The following HTT variants were observed in gnomAD, a reference collection of about 807,000 sequenced individuals.
The protein encoded by HTT is huntingtin, also known as huntington disease protein.
HTT carries 104 observed loss-of-function variants against 362.3 expected under a neutral mutation model. The observed-to-expected ratio is 0.29, with a 90% CI of 0.24 to 0.34. The LOEUF is 0.34. HTT is among the 10% of genes least tolerant of loss of function. HTT has a pLI of 1.00. For synonymous variants in HTT, 1,577 were observed against 1,548.7 expected, an observed-to-expected ratio of 1.02 and a Z score of -0.43; for missense variants, 3,301 against 3,928.6, an observed-to-expected ratio of 0.84 and a Z score of 4.27.
At chr4:3,238,426 G>T in intron 64 of HTT, 21 bp from the exon 65 acceptor site, 1 of 1,594,056 alleles carries the variant, frequency 6.3e-7, no homozygotes, top group South Asian at 1.1e-5. Flanking sequence ...GCCAGTCTCT[G>T]ACCTGCGTCC....
chr4:3,130,468 G>A (rs368229789), intron 14 of HTT, 45 bp downstream of exon 14: 22 of 1,098,912 alleles, frequency 2.0e-5, no homozygotes, highest in Non-Finnish European at 2.7e-5. Context: ...CTGAGCTTGT[G>A]TGAGGATTTA....
intron 40 of HTT, among the ~76,000 whole-genome samples, chr4:3,192,316 G>A (rs969328532): frequency 6.6e-5 from 10 of 152,086 alleles, no homozygotes; most frequent in African/African-American, 2.4e-4. Context: ...AGCTTCAGGC[G>A]ATCCTCCTGC....
intron 8 of HTT, among the ~76,000 whole-genome samples, chr4:3,119,551 T>A (rs1715195189): frequency 6.6e-6 from 1 of 152,226 alleles, no homozygotes. Context: ...GTTCATAAAT[T>A]ATGCAGTGAA....
rs556225532 is a variant in HTT at position 3,228,471 on chromosome 4, C to T, written c.7849-144C>T. On this transcript the variant is annotated intron_variant, in intron 57 of 66. Transcript: ENST00000355072. The surrounding 1 kb of genome is among the most constrained non-coding windows in gnomAD (Gnocchi z 4.3). ...CACCCTCTCTGTGGGCTCCCTTGCC[C>T]GTAACCTGGGGTGTCTGAACGACCC... 37 of 868,056 alleles carry T rather than the reference C, an allele frequency of 4.3e-5. No individual in the cohort carries two copies. The highest frequency in any genetic ancestry group is 1.9e-4 in the East Asian group (7 of 35,944). 53.8% of individuals were successfully genotyped at this position (868,056 alleles called of 1,614,324 possible). A position where few individuals can be genotyped will look rare whatever the true frequency, so the allele number is the denominator to read the frequency against.
In HTT at chr4:3,212,565, G is replaced by A; in HGVS notation, c.6630G>A (p.Gly2210=). 1 of 1,613,584 alleles carries A rather than the reference G, an allele frequency of 6.2e-7. No individual in the cohort carries two copies. ...ACCCACGAGGTCCTTCTGTTTCAGG[G>A]GATGCTGCACTGTATCAGTCCCTGC... ...AYWSKLNDLF[G]DAALYQSLPT... The change falls in exon 49 of 67, where the codon GGG becomes GGA. Residue 2210 remains glycine, a splice_region_variant and synonymous_variant. Coordinates refer to ENST00000355072, the MANE Select transcript of HTT (RefSeq NM_001388492.1).
At chr4:3,233,605 C>T (rs1721368578) in intron 61 of HTT, among the ~76,000 whole-genome samples, 2 of 152,330 alleles carry the variant, frequency 1.3e-5, no homozygotes, top group South Asian at 4.1e-4. Context: ...TTAGCACACT[C>T]TCCCACGTGC....
At position 3,223,579 on chromosome 4, in the gene HTT, G is replaced by A. The variant is rs375307395; in HGVS notation, c.7625+19G>A. The A allele has an allele frequency of 7.2e-5, 115 of 1,589,606 alleles. No individual in the cohort carries two copies. Among genetic ancestry groups the A allele is most frequent in the African/African-American group, 2.3e-4 (17 of 74,466 alleles). ...ACACCAGGTTTGCTTGAGTTCCCAC[G>A]TGTCTCTGGGACATAGCAGGTGCTG... On this transcript the variant is annotated intron_variant, in intron 55 of 66. Transcript: ENST00000355072.
At chr4:3,103,735 C>T in intron 3 of HTT, 89 bp from the exon 4 acceptor site, 4 of 782,496 alleles carry the variant, frequency 5.1e-6, no homozygotes, top group South Asian at 1.6e-5. Context: ...TTTGCTTTGC[C>T]CCAAAATTGA....
chr4:3,211,591 G>T (rs565748986), intron 47 of HTT, among the ~76,000 whole-genome samples: 1 of 152,146 alleles, frequency 6.6e-6, no homozygotes, highest in South Asian at 2.1e-4. Context: ...CTGAGGTCTT[G>T]GATGACACTT....
In HTT at chr4:3,228,377, G is replaced by A. The variant is rs1721023432; in HGVS notation, c.7849-238G>A. 6.6e-6 allele frequency among the ~76,000 whole-genome samples: 1 copy of A among 152,186 alleles called. No homozygotes were observed. The highest frequency in any genetic ancestry group is 2.4e-5 in the African/African-American group (1 of 41,436). Reference sequence around the variant, plus strand: ...GTCACCCTCCTCAGCTGCTCCTGGGGTTGACTGGCCCCTGATTCATGCCTT... The same window carrying A: ...GTCACCCTCCTCAGCTGCTCCTGGGATTGACTGGCCCCTGATTCATGCCTT... On this transcript the variant is annotated intron_variant, in intron 57 of 66. Transcript: ENST00000355072. This position sits in a 1 kb window ranked among gnomAD's most constrained non-coding sequence, Gnocchi z 4.3.
chr4:3,188,095 C>CTTG lies in HTT; in HGVS notation c.5225+211_5225+213dup, dbSNP rs1296477750. 3 of 513,038 alleles carry CTTG rather than the reference C, an allele frequency of 5.8e-6. No individual in the cohort carries two copies. In the East Asian group the frequency reaches 1.0e-4, roughly 17 times the overall value. 31.8% of individuals were successfully genotyped at this position (513,038 alleles called of 1,614,324 possible). A position where few individuals can be genotyped will look rare whatever the true frequency, so the allele number is the denominator to read the frequency against. On this transcript the variant is annotated intron_variant, in intron 39 of 66. Transcript: ENST00000355072. ...CTTGAAGTTCTGTCATGTTCTGTCTCTTGTCCTCAGTAGAGATGCTACAGC... is the reference window on the plus strand; with the variant it reads ...CTTGAAGTTCTGTCATGTTCTGTCTCTTGTTGTCCTCAGTAGAGATGCTACAGC...
chr4:3,181,524 T>C (rs1490883135), intron 36 of HTT, among the ~76,000 whole-genome samples: 1 of 152,206 alleles, frequency 6.6e-6, no homozygotes, highest in Non-Finnish European at 1.5e-5. Flanking sequence ...ACTTCTCCTT[T>C]CTTTTAACTT....
intron 29 of HTT, among the ~76,000 whole-genome samples, chr4:3,167,974 C>G (rs1290101390): frequency 6.6e-6 from 1 of 152,116 alleles, no homozygotes; most frequent in African/African-American, 2.4e-5. Context: ...CTCGCATATC[C>G]TTTTGTTTGT....
chr4:3,157,334 G>A (rs1020318580), intron 28 of HTT, 135 bp downstream of exon 28: 1 of 808,656 alleles, frequency 1.2e-6, no homozygotes, highest in Non-Finnish European at 1.9e-6. Context: ...TTTCAAGTTT[G>A]TTTGTCTTTC....
intron 49 of HTT, 61 bp from the exon 50 acceptor site, chr4:3,213,897 C>T: frequency 1.4e-6 from 2 of 1,415,642 alleles, no homozygotes; most frequent in Admixed American, 2.4e-5. Flanking sequence ...CTGTGATTCA[C>T]ACGGCTTCCC....
chr4:3,152,927 A>G (rs993597215), intron 26 of HTT, among the ~76,000 whole-genome samples: 2 of 151,472 alleles, frequency 1.3e-5, no homozygotes, highest in Non-Finnish European at 2.9e-5. Context: ...CTGGGATTAC[A>G]GGCGTGAGCC....
intron 51 of HTT, 126 bp downstream of exon 51, chr4:3,215,337 T>G (rs546119656): frequency 1.5e-6 from 1 of 653,388 alleles, no homozygotes; most frequent in Admixed American, 2.7e-5. Flanking sequence ...TGTGTCCTGC[T>G]GCTCCTCCCT....
intron 23 of HTT, among the ~76,000 whole-genome samples, chr4:3,144,841 G>GTGGT (rs765069302): frequency 1.3e-5 from 2 of 152,228 alleles, no homozygotes; most frequent in Non-Finnish European, 2.9e-5. Context: ...GGGAGACGAT[G>GTGGT]TGGTAAGCTG....
intron 60 of HTT, among the ~76,000 whole-genome samples, chr4:3,232,885 T>C (rs1040412514): frequency 1.3e-5 from 2 of 152,224 alleles, no homozygotes; most frequent in African/African-American, 4.8e-5. Context: ...GCCCAGACTC[T>C]GGACTCCCGG....
Sources: allele counts gnomAD v4.1 joint callset (sites outside exome capture counted in the v4.1 genomes callset), GRCh38; gene constraint gnomAD v4.1.1; non-coding constraint Gnocchi (gnomAD v3.1); transcripts MANE v1.5; gene names NCBI Gene and HGNC (gene_info 2026-07-23, HGNC 2026-07-21).